ATIC: variants seen among roughly 807,000 people sequenced by gnomAD.
ATIC encodes 5-aminoimidazole-4-carboxamide ribonucleotide formyltransferase/IMP cyclohydrolase.
ATIC carries 64 observed loss-of-function variants against 72.5 expected under a neutral mutation model. The observed-to-expected ratio is 0.88, with a 90% confidence interval of 0.72 to 1.09. The LOEUF (loss-of-function observed/expected upper bound fraction) is 1.09, where lower values mean the gene tolerates loss of function less well. Among genes scored for constraint, ATIC ranks in the 50% least tolerant of loss-of-function variants. The pLI, the probability that ATIC is intolerant of heterozygous loss-of-function variation, is 0.00. For synonymous variants in ATIC, 281 were observed against 267.1 expected, an observed-to-expected ratio of 1.05 and a Z score of -0.51; for missense variants, 787 against 732.4, an observed-to-expected ratio of 1.07 and a Z score of -0.86.
At chr2:215,346,052 T>A in intron 13 of ATIC, among the ~76,000 whole-genome samples, 1 of 152,228 alleles carries the variant, frequency 6.6e-6, no homozygotes, top group Admixed American at 6.5e-5. Flanking sequence ...TGTCAGATCC[T>A]TATCTCAATT....
rs954303604 is a variant in ATIC, at chr2:215,349,729, T to C, written c.*74T>C. The C allele has an allele frequency of 3.7e-6, 6 of 1,609,954 alleles. No individual in the cohort carries two copies. The East Asian group carries it at 6.7e-5, about 18-fold the overall frequency. On this transcript the variant is annotated 3_prime_UTR_variant, in exon 16 of 16. Coordinates refer to ENST00000236959, the MANE Select transcript of ATIC (RefSeq NM_004044.7). ...ACGCCTGAAACTTTGAGGATAACTT[T>C]TTAAAAAAATAAAACAGTATCTCTT...
At chr2:215,328,615 CAAA>C (rs2052855650) in intron 7 of ATIC, among the ~76,000 whole-genome samples, 1 of 152,108 alleles carries the variant, frequency 6.6e-6, no homozygotes, top group South Asian at 2.1e-4. Flanking sequence ...CCGCTTAGAC[CAAA>C]GTAGCAGCCC....
At chr2:215,330,318 TG>T (rs749339033) in intron 7 of ATIC, among the ~76,000 whole-genome samples, 2 of 152,186 alleles carry the variant, frequency 1.3e-5, no homozygotes, top group Non-Finnish European at 2.9e-5. Context: ...GATTTTTGGT[TG>T]GGGGAATTAT....
rs566961849 is a variant in ATIC, at chr2:215,349,350, C to G, written c.1659+101C>G. On this transcript the variant is annotated intron_variant, in intron 15 of 15. Coordinates refer to ENST00000236959, the MANE Select transcript of ATIC (RefSeq NM_004044.7). ...TTTTAAAAGGTGTGGCAAAGTGATA[C>G]AGATCAGTAATATTCAGAGAACCAT... 3.8e-5 allele frequency: 60 copies of G among 1,581,788 alleles called. No homozygotes were observed. The South Asian group carries it at 5.5e-4, about 14-fold the overall frequency.
intron 14 of ATIC, chr2:215,348,728 CG>C: frequency 2.1e-5 from 8 of 385,236 alleles, no homozygotes; most frequent in Non-Finnish European, 4.0e-5. Context: ...TTTGGGAGGC[CG>C]AGGTGAGTGG....
downstream of ATIC, among the ~76,000 whole-genome samples, chr2:215,353,425 C>T (rs2053145205): frequency 6.6e-6 from 1 of 152,072 alleles, no homozygotes; most frequent in Non-Finnish European, 1.5e-5. Context: ...TAAGACCAGA[C>T]TTTCTAAGGT....
chr2:215,323,252 C>T (rs2052789605), intron 4 of ATIC, among the ~76,000 whole-genome samples: 1 of 152,208 alleles, frequency 6.6e-6, no homozygotes, highest in Non-Finnish European at 1.5e-5. Context: ...GCCCCAACTT[C>T]GTTTTTTTTA....
the ATIC span, among the ~76,000 whole-genome samples, chr2:215,368,467 A>C: frequency 3.3e-5 from 5 of 152,290 alleles, no homozygotes; most frequent in African/African-American, 9.6e-5. Context: ...AAAAATATCT[A>C]TACCTCCTGG....
At chr2:215,365,772 T>TATA in the ATIC span, 1 of 504,238 alleles carries the variant, frequency 2.0e-6, no homozygotes, top group East Asian at 3.5e-5. Context: ...ACCCCTATAA[T>TATA]GGGCCATTTA....
intron 7 of ATIC, among the ~76,000 whole-genome samples, chr2:215,331,381 G>GTTGT (rs755486087): frequency 3.4e-5 from 4 of 117,496 alleles, no homozygotes; most frequent in African/African-American, 6.3e-5. Flanking sequence ...TGTTTTTTGG[G>GTTGT]TTTTTTTTTT....
At chr2:215,357,840 A>C in the ATIC span, among the ~76,000 whole-genome samples, 1 of 149,972 alleles carries the variant, frequency 6.7e-6, no homozygotes, top group Non-Finnish European at 1.5e-5. Flanking sequence ...GGAAGTCCCA[A>C]CAGCGGTCTT....
chr2:215,359,520 A>G, the ATIC span, among the ~76,000 whole-genome samples: 1 of 152,214 alleles, frequency 6.6e-6, no homozygotes, highest in African/African-American at 2.4e-5. Flanking sequence ...TGATTTTTAA[A>G]AAACATACAG....
At chr2:215,335,990 T>C in intron 10 of ATIC, 45 bp from the exon 11 acceptor site, 1 of 1,455,870 alleles carries the variant, frequency 6.9e-7, no homozygotes, top group Non-Finnish European at 9.6e-7. Flanking sequence ...TAAGAGGTGT[T>C]CTCTGATTTT....
intron 13 of ATIC, 104 bp downstream of exon 13, chr2:215,344,975 G>A: frequency 8.1e-7 from 1 of 1,231,780 alleles, no homozygotes; most frequent in Non-Finnish European, 1.2e-6. Flanking sequence ...GGGAATATTT[G>A]CCAAATGTTT....
the ATIC span, among the ~76,000 whole-genome samples, chr2:215,360,099 T>C: frequency 6.6e-6 from 1 of 152,106 alleles, no homozygotes; most frequent in African/African-American, 2.4e-5. Flanking sequence ...CTGCCATGCC[T>C]GGTAACATTT....
intron 7 of ATIC, among the ~76,000 whole-genome samples, chr2:215,331,216 C>CT (rs1352459269): frequency 1.3e-5 from 2 of 151,814 alleles, no homozygotes; most frequent in East Asian, 1.9e-4. Flanking sequence ...AGGACAGTGA[C>CT]TTTTTTTTAA....
chr2:215,314,764 T>C (rs1372313834), intron 2 of ATIC, among the ~76,000 whole-genome samples: 2 of 151,990 alleles, frequency 1.3e-5, no homozygotes, highest in Non-Finnish European at 2.9e-5. Flanking sequence ...CCTGCTGGGA[T>C]TACAGGTGTG....
intron 7 of ATIC, among the ~76,000 whole-genome samples, chr2:215,328,413 T>C (rs1488291367): frequency 6.6e-6 from 1 of 152,122 alleles, no homozygotes; most frequent in Non-Finnish European, 1.5e-5. Context: ...GCCTGCCTCC[T>C]ATCTGCCCCC....
At position 215,346,915 on chromosome 2, in the gene ATIC, C is replaced by G; in HGVS notation, c.1477C>G (p.Gln493Glu). The G allele has an allele frequency of 1.3e-5, 21 of 1,614,134 alleles. No homozygotes were observed. Among genetic ancestry groups the G allele is most frequent in the Non-Finnish European group, 1.8e-5 (21 of 1,180,018 alleles). Residue 493 changes from glutamine (Q) to glutamate (E), a missense_variant, in exon 14 of 16, where the codon CAA becomes GAA. Gln to Glu is a conservative substitution (Grantham distance 29). Coordinates refer to ENST00000236959, the MANE Select transcript of ATIC (RefSeq NM_004044.7). ...AGCAGAAATCTCCAATGCCATCGAT[C>G]AATATGTGACTGGAACCATTGGCGA... The part of the protein sequence containing the change: ...KRAEISNAID[Q>E]YVTGTIGEDE...
Sources: allele counts gnomAD v4.1 joint callset (sites outside exome capture counted in the v4.1 genomes callset), GRCh38; gene constraint gnomAD v4.1.1; transcripts MANE v1.5; gene names NCBI Gene and HGNC (gene_info 2026-07-23, HGNC 2026-07-21).